The following CRBN variants were observed in gnomAD, a reference collection of about 807,000 sequenced individuals.
CRBN encodes the protein protein cereblon.
A neutral mutation model predicts 62.2 loss-of-function variants in CRBN; 53 were observed. That is an observed-to-expected ratio of 0.85 (90% CI 0.68 to 1.07). CRBN has a LOEUF of 1.07. Ranked by LOEUF, CRBN falls within the 50% of genes least tolerant of loss-of-function variation. CRBN has a pLI of 0.00. For missense variants in CRBN, 616 were observed against 531.1 expected, an observed-to-expected ratio of 1.16 and a Z score of -1.57; for synonymous variants, 208 against 176.1, an observed-to-expected ratio of 1.18 and a Z score of -1.43.
intron 1 of CRBN, among the ~76,000 whole-genome samples, chr3:3,178,009 AAAAC>A (rs938240971): frequency 6.4e-5 from 9 of 141,594 alleles, no homozygotes; most frequent in South Asian, 5.5e-4. Context: ...AAAACAAAAC[AAAAC>A]AAACAAAAAA....
rs1381465362 is a variant in CRBN at position 3,152,484 on chromosome 3, G to C, written c.1120C>G (p.Pro374Ala). ...KACNLNLIGR[P>A]STEHSWFPGY... is the part of the protein sequence containing the mutation. Reference sequence around the variant, plus strand: ...GGAAACCAGCTGTGTTCTGTAGAAGGCCGGCCTATCAGATTCAAGTTGCAA... The same window carrying C: ...GGAAACCAGCTGTGTTCTGTAGAAGCCCGGCCTATCAGATTCAAGTTGCAA... Residue 374 changes from proline to alanine, a missense_variant, in exon 10 of 11, where the codon CCT becomes GCT. By Grantham distance (27) the Pro-to-Ala change is conservative. Coordinates refer to ENST00000231948, the MANE Select transcript of CRBN (RefSeq NM_016302.4). 1 of 1,613,826 alleles carries C rather than the reference G, an allele frequency of 6.2e-7. No homozygotes were observed. The highest frequency in any genetic ancestry group is 1.1e-5 in the South Asian group (1 of 91,060).
intron 10 of CRBN, among the ~76,000 whole-genome samples, chr3:3,151,841 G>C (rs199955265): frequency 1.6e-5 from 1 of 62,554 alleles, no homozygotes; most frequent in East Asian, 6.1e-4. Flanking sequence ...ACAAACAAAA[G>C]GCAAACTAGA....
intron 5 of CRBN, chr3:3,167,350 T>C (rs1342979094): frequency 3.3e-6 from 1 of 304,486 alleles, no homozygotes; most frequent in African/African-American, 2.2e-5. Context: ...TTGATCATAG[T>C]TTAATAAGCA....
At chr3:3,169,415 C>T (rs1164420839) in intron 4 of CRBN, among the ~76,000 whole-genome samples, 1 of 152,062 alleles carries the variant, frequency 6.6e-6, no homozygotes, top group Non-Finnish European at 1.5e-5. Context: ...AATAAAACTG[C>T]TTCAAGGAAC....
At chr3:3,167,608 AG>A in intron 5 of CRBN, 25 bp downstream of exon 5, 1 of 1,603,770 alleles carries the variant, frequency 6.2e-7, no homozygotes, top group Non-Finnish European at 8.5e-7. Context: ...CATTTTTTGA[AG>A]ATGCATAAAA....
intron 5 of CRBN, among the ~76,000 whole-genome samples, chr3:3,161,474 C>T (rs115358670): frequency 0.015 from 2,355 of 152,258 alleles, 47 homozygotes; most frequent in African/African-American, 0.048. Flanking sequence ...GAAAATAACT[C>T]GCCTCCCGGG....
At chr3:3,159,418 T>C (rs1707046015) in intron 5 of CRBN, among the ~76,000 whole-genome samples, 1 of 152,234 alleles carries the variant, frequency 6.6e-6, no homozygotes, top group Admixed American at 6.5e-5. Context: ...ATGGTCACTT[T>C]TGTAATACAA....
chr3:3,174,010 A>G (rs1243584677), intron 3 of CRBN, 49 bp downstream of exon 3: 2 of 1,486,750 alleles, frequency 1.3e-6, no homozygotes. Flanking sequence ...GACCACTGCA[A>G]TTACCCATGA....
chr3:3,171,100 C>A (rs753027568), intron 4 of CRBN, among the ~76,000 whole-genome samples: 8 of 152,286 alleles, frequency 5.3e-5, no homozygotes, highest in Non-Finnish European at 1.0e-4. Flanking sequence ...CCACTGTGCG[C>A]GGCCTGATGT....
Position 3,161,789 on chromosome 3 carries a change from G to C in CRBN, c.688-5508C>G, listed in dbSNP as rs76725477. ...TCATAAATATTTACCTATATAAAAG[G>C]TCATTTGTACATGTTATTTAGTACA... On this transcript the variant is annotated intron_variant, in intron 5 of 10. Transcript: ENST00000231948. 8.7e-4 allele frequency among the ~76,000 whole-genome samples: 132 copies of C among 152,226 alleles called. 4 individuals carry two copies. In the East Asian group the frequency reaches 0.023, roughly 26 times the overall value.
chr3:3,151,091 T>C (rs1296780217), intron 10 of CRBN, 46 bp from the exon 11 acceptor site: 2 of 1,590,522 alleles, frequency 1.3e-6, no homozygotes, highest in East Asian at 2.3e-5. Context: ...ATTTCTGTAC[T>C]CCAAGCCTAT....
At chr3:3,164,918 C>A (rs560983890) in intron 5 of CRBN, among the ~76,000 whole-genome samples, 1 of 152,116 alleles carries the variant, frequency 6.6e-6, no homozygotes, top group Non-Finnish European at 1.5e-5. Context: ...AATTGAAAAC[C>A]TTCTGAAAAA....
chr3:3,157,721 C>T, intron 5 of CRBN, among the ~76,000 whole-genome samples: 1 of 152,170 alleles, frequency 6.6e-6, no homozygotes, highest in East Asian at 1.9e-4. Flanking sequence ...ACACCACTCA[C>T]ACCCTCGACT....
intron 5 of CRBN, among the ~76,000 whole-genome samples, chr3:3,160,595 T>C (rs4685609): frequency 0.13 from 19,090 of 152,250 alleles, 1,299 homozygotes; most frequent in Admixed American, 0.17. Context: ...TCAAGACTTT[T>C]CTTCTTTATA....
At position 3,153,860 on chromosome 3, in the gene CRBN, T is replaced by C. The variant is rs1057173304; in HGVS notation, c.951+100A>G. The C allele has an allele frequency of 9.2e-6, 7 of 759,588 alleles. No individual in the cohort carries two copies. The African/African-American group carries it at 1.2e-4, about 13-fold the overall frequency. 47.1% of individuals were successfully genotyped at this position (759,588 alleles called of 1,614,324 possible). A position where few individuals can be genotyped will look rare whatever the true frequency, so the allele number is the denominator to read the frequency against. On this transcript the variant is annotated intron_variant, in intron 8 of 10. Coordinates refer to ENST00000231948, the MANE Select transcript of CRBN (RefSeq NM_016302.4). ...TTGAAATCTGAATTGCATGACTACA[T>C]TACTGGACTCTATACAGAGCTCCAT...
chr3:3,172,960 A>C (rs1163173702), intron 3 of CRBN, 35 bp from the exon 4 acceptor site: 1 of 1,578,660 alleles, frequency 6.3e-7, no homozygotes, highest in Non-Finnish European at 8.7e-7. Flanking sequence ...AGAATTTTGA[A>C]CATTTGAGTT....
chr3:3,169,866 G>C (rs148648375), intron 4 of CRBN, among the ~76,000 whole-genome samples: 1 of 150,342 alleles, frequency 6.7e-6, no homozygotes, highest in African/African-American at 2.4e-5. Flanking sequence ...AACTTCTGAA[G>C]AGTCCTATGT....
At position 3,152,528 on chromosome 3, in the gene CRBN, G is replaced by C; in HGVS notation, c.1076C>G (p.Thr359Arg). 6.2e-7 allele frequency: 1 copy of C among 1,613,682 alleles called. No individual in the cohort carries two copies. The highest frequency in any genetic ancestry group is 8.5e-7 in the Non-Finnish European group (1 of 1,179,698). The change falls in exon 10 of 11, where the codon ACA becomes AGA. Residue 359 changes from threonine (T) to arginine (R), a missense_variant. Physicochemically the swap from Thr to Arg is moderately conservative, Grantham distance 71. Coordinates refer to ENST00000231948, the MANE Select transcript of CRBN (RefSeq NM_016302.4). ...GTTGCAAGCCTTATACACAGTAAGTGTCTCATGCACATATCCATGAGGATT... is the reference window on the plus strand; with the variant it reads ...GTTGCAAGCCTTATACACAGTAAGTCTCTCATGCACATATCCATGAGGATT... ...YVNPHGYVHE[T>R]LTVYKACNLN...
At chr3:3,160,852 T>C (rs1380186923) in intron 5 of CRBN, among the ~76,000 whole-genome samples, 1 of 152,204 alleles carries the variant, frequency 6.6e-6, no homozygotes, top group Non-Finnish European at 1.5e-5. Context: ...CATATGAATT[T>C]GGTCTGTGAC....
Sources: allele counts gnomAD v4.1 joint callset (sites outside exome capture counted in the v4.1 genomes callset), GRCh38; gene constraint gnomAD v4.1.1; transcripts MANE v1.5; gene names NCBI Gene and HGNC (gene_info 2026-07-23, HGNC 2026-07-21).